The following COL28A1 variants were observed in gnomAD, a reference collection of about 807,000 sequenced individuals.
The protein encoded by COL28A1 is collagen type XXVIII alpha 1 chain, also known as collagen alpha-1(XXVIII) chain.
Under a neutral mutation model 150.2 loss-of-function variants are expected in COL28A1, and 161 were observed. The ratio of observed to expected loss-of-function variants is 1.07; its 90% CI spans 0.94 to 1.22. COL28A1 has a LOEUF of 1.22. Among genes scored for constraint, COL28A1 ranks in the 50% most tolerant of loss-of-function variants. The pLI is 0.00. For missense variants in COL28A1, 1,617 were observed against 1,388.3 expected, an observed-to-expected ratio of 1.16 and a Z score of -2.62; for synonymous variants, 552 against 469.7, an observed-to-expected ratio of 1.18 and a Z score of -2.26.
chr7:7,456,811 G>A (rs1387485898), intron 15 of COL28A1, among the ~76,000 whole-genome samples: 2 of 152,068 alleles, frequency 1.3e-5, no homozygotes, highest in Non-Finnish European at 2.9e-5. Context: ...GAAACAAGAT[G>A]GTAAACAAGA....
intron 25 of COL28A1, among the ~76,000 whole-genome samples, chr7:7,422,622 C>T (rs7788816): frequency 5.9e-4 from 89 of 151,580 alleles, no homozygotes; most frequent in Admixed American, 1.6e-3. Flanking sequence ...GAGTGAGACT[C>T]TGTCTCCAAA....
chr7:7,390,812 G>C (rs904744944), intron 27 of COL28A1, among the ~76,000 whole-genome samples: 1 of 152,104 alleles, frequency 6.6e-6, no homozygotes, highest in Non-Finnish European at 1.5e-5. Context: ...ATGGTAGTTG[G>C]TATTTCTGTG....
rs1782438634 is a variant in COL28A1 at position 7,532,733 on chromosome 7, A to G, written c.124+19T>C. On this transcript the variant is annotated intron_variant, in intron 2 of 34. Coordinates refer to ENST00000399429, the MANE Select transcript of COL28A1 (RefSeq NM_001037763.3). Reference sequence around the variant, plus strand: ...TTTAACAGGCTAAACTTAAAAACAAACAATTTTTTTTTTTTTACCCTGGAC... The same window carrying G: ...TTTAACAGGCTAAACTTAAAAACAAGCAATTTTTTTTTTTTTACCCTGGAC... 2 of 1,585,812 alleles carry G rather than the reference A, an allele frequency of 1.3e-6. No individual in the cohort carries two copies.
intron 26 of COL28A1, 129 bp from the exon 27 acceptor site, chr7:7,418,056 T>G (rs1436612942): frequency 1.6e-6 from 1 of 639,184 alleles, no homozygotes; most frequent in Non-Finnish European, 2.6e-6. Context: ...GCCTATAAGC[T>G]ACTTCCTATT....
At chr7:7,463,134 C>A (rs184059923) in intron 15 of COL28A1, among the ~76,000 whole-genome samples, 2 of 151,940 alleles carry the variant, frequency 1.3e-5, no homozygotes, top group Admixed American at 1.3e-4. Context: ...GGAAAACTTC[C>A]CCACCCCTGC....
At chr7:7,429,941 CA>C (rs916904292) in intron 25 of COL28A1, among the ~76,000 whole-genome samples, 1 of 151,610 alleles carries the variant, frequency 6.6e-6, no homozygotes, top group African/African-American at 2.4e-5. Context: ...TTAGCCATTT[CA>C]AAAAAAACAA....
chr7:7,368,832 C>A (rs750171378), intron 33 of COL28A1, among the ~76,000 whole-genome samples: 12 of 152,192 alleles, frequency 7.9e-5, no homozygotes, highest in African/African-American at 1.9e-4. Context: ...GCAGCCCCAA[C>A]AGACTAAGAC....
the COL28A1 span, among the ~76,000 whole-genome samples, chr7:7,349,330 C>A: frequency 2.0e-3 from 306 of 152,194 alleles, 1 homozygote; most frequent in African/African-American, 6.9e-3. Flanking sequence ...GTTTTCCAGT[C>A]TGGCTGGTGT....
At chr7:7,516,994 T>C (rs1473440724) in intron 7 of COL28A1, among the ~76,000 whole-genome samples, 1 of 152,190 alleles carries the variant, frequency 6.6e-6, no homozygotes, top group Admixed American at 6.5e-5. Context: ...TCCTATGAGA[T>C]AATAAGCTTT....
At chr7:7,511,614 T>C (rs943288657) in intron 8 of COL28A1, 14 of 322,828 alleles carry the variant, frequency 4.3e-5, no homozygotes, top group African/African-American at 6.8e-5. Context: ...GGAATTCCTA[T>C]TTTTTCAAGA....
Position 7,361,866 on chromosome 7 carries a change from T to C in COL28A1, c.3067-1338A>G, listed in dbSNP as rs545654413. On this transcript the variant is annotated intron_variant, in intron 33 of 34. Transcript: ENST00000399429. ...ACTATGCAGCCATAAAAACATGAGT[T>C]CATGTCCTTTGCAGGGACATGGGTG... Among the ~76,000 whole-genome samples, 310 of 117,976 alleles carry C rather than the reference T, an allele frequency of 2.6e-3. 2 individuals are homozygous for C. The highest frequency in any genetic ancestry group is 8.5e-3 in the African/African-American group (292 of 34,232). The allele number at this position is 117,976 out of a possible 152,430, so 77.4% of individuals were successfully genotyped here. A position where few individuals can be genotyped will look rare whatever the true frequency, so the allele number is the denominator to read the frequency against.
intron 27 of COL28A1, among the ~76,000 whole-genome samples, chr7:7,417,191 G>C (rs1305284006): frequency 1.3e-5 from 2 of 151,832 alleles, no homozygotes; most frequent in Non-Finnish European, 2.9e-5. Context: ...GACCCTGAGA[G>C]TCCCAGCATG....
At chr7:7,493,218 C>A (rs772815430) in intron 11 of COL28A1, among the ~76,000 whole-genome samples, 8 of 151,882 alleles carry the variant, frequency 5.3e-5, no homozygotes, top group Non-Finnish European at 1.0e-4. Context: ...TGTAATGGGT[C>A]AGAAGGCATC....
intron 27 of COL28A1, among the ~76,000 whole-genome samples, chr7:7,386,615 TG>T (rs1446843665): frequency 4.6e-5 from 7 of 152,194 alleles, no homozygotes; most frequent in African/African-American, 1.7e-4. Flanking sequence ...AAAGGCTGAG[TG>T]TGGGATAGCA....
chr7:7,341,754 A>T, the COL28A1 span, among the ~76,000 whole-genome samples: 1 of 152,080 alleles, frequency 6.6e-6, no homozygotes, highest in Non-Finnish European at 1.5e-5. Flanking sequence ...ATATGAGGAT[A>T]TTTTAGTGAA....
intron 25 of COL28A1, among the ~76,000 whole-genome samples, chr7:7,422,149 C>T (rs1310992356): frequency 2.0e-5 from 3 of 152,188 alleles, no homozygotes; most frequent in Admixed American, 2.0e-4. Context: ...CTCTTCCAAA[C>T]ATTTTGACAC....
chr7:7,375,528 T>A lies in COL28A1; in HGVS notation c.2323-31A>T, dbSNP rs530149804. On this transcript the variant is annotated intron_variant, in intron 30 of 34. Coordinates refer to ENST00000399429, the MANE Select transcript of COL28A1 (RefSeq NM_001037763.3). ...GGATAAAAAGAAAAATGTATTACTA[T>A]ATGTATGACTATAATATTTTTCCTA... The A allele has an allele frequency of 1.8e-5, 25 of 1,363,444 alleles. No homozygotes were observed. The South Asian group carries it at 3.0e-4, about 16-fold the overall frequency. The allele number at this position is 1,363,444 out of a possible 1,614,324, so 84.5% of individuals were successfully genotyped here. A position where few individuals can be genotyped will look rare whatever the true frequency, so the allele number is the denominator to read the frequency against.
At chr7:7,347,484 C>T in the COL28A1 span, among the ~76,000 whole-genome samples, 3 of 152,100 alleles carry the variant, frequency 2.0e-5, no homozygotes, top group Non-Finnish European at 4.4e-5. Context: ...AGCAGTTCCT[C>T]TCTCTTCTGG....
At chr7:7,414,470 T>A (rs1281766778) in intron 27 of COL28A1, among the ~76,000 whole-genome samples, 1 of 152,174 alleles carries the variant, frequency 6.6e-6, no homozygotes, top group East Asian at 1.9e-4. Context: ...CAGAGCCAGT[T>A]GGGCCAGCAG....
Sources: gnomAD v4.1 joint callset for allele counts (sites outside exome capture counted in the v4.1 genomes callset) on GRCh38, gnomAD v4.1.1 for gene constraint, MANE v1.5 for transcripts, NCBI Gene and HGNC (gene_info 2026-07-23, HGNC 2026-07-21) for gene names.